Variants in CBLN2 observed in about 807,000 individuals in gnomAD.
The protein encoded by CBLN2 is cerebellin-2.
In CBLN2, 7 loss-of-function variants were observed where a neutral mutation model predicts 15.0. That is an observed-to-expected ratio of 0.47 (90% CI 0.27 to 0.88). CBLN2 has a LOEUF of 0.88. CBLN2 is among the 40% of genes least tolerant of loss of function. CBLN2 has a pLI of 0.14. For missense variants in CBLN2, 242 were observed against 304.5 expected, an observed-to-expected ratio of 0.79 and a Z score of 1.53; for synonymous variants, 149 against 135.2, an observed-to-expected ratio of 1.10 and a Z score of -0.71.
intron 1 of CBLN2, among the ~76,000 whole-genome samples, chr18:72,623,447 CCTT>C (rs1168379876): frequency 6.6e-6 from 1 of 152,100 alleles, no homozygotes; most frequent in Non-Finnish European, 1.5e-5. Flanking sequence ...CTCCAAATGA[CCTT>C]CTCCAGTTTT....
intron 1 of CBLN2, among the ~76,000 whole-genome samples, chr18:72,562,749 T>C (rs1431953186): frequency 6.6e-6 from 1 of 152,246 alleles, no homozygotes; most frequent in Non-Finnish European, 1.5e-5. Context: ...GTCTGCCAAG[T>C]ATAATTTAGG....
chr18:72,637,709 C>G (rs527381528), intron 1 of CBLN2, among the ~76,000 whole-genome samples: 1 of 151,100 alleles, frequency 6.6e-6, no homozygotes, highest in South Asian at 2.1e-4. Context: ...CGACAGGCAC[C>G]ACGATTACCC....
chr18:72,576,892 A>T (rs1173727925), intron 1 of CBLN2, among the ~76,000 whole-genome samples: 1 of 148,752 alleles, frequency 6.7e-6, no homozygotes, highest in African/African-American at 2.4e-5. Context: ...TATATATATA[A>T]AATTAGTGTG....
intron 1 of CBLN2, among the ~76,000 whole-genome samples, chr18:72,611,298 A>C (rs2069620724): frequency 6.6e-6 from 1 of 152,128 alleles, no homozygotes; most frequent in South Asian, 2.1e-4. Context: ...TTTTCTTTTA[A>C]ATTATTTGAG....
chr18:72,539,872 C>G (rs2144861280), intron 3 of CBLN2: 1 of 152,282 alleles, frequency 6.6e-6, no homozygotes, highest in African/African-American at 2.4e-5. Flanking sequence ...ATTTTGTTAC[C>G]TAATGGGAAT....
At chr18:72,538,499 G>C in intron 4 of CBLN2, 126 bp from the exon 5 acceptor site, 1 of 1,415,096 alleles carries the variant, frequency 7.1e-7, no homozygotes, top group Non-Finnish European at 9.8e-7. Context: ...AGGGGAGCCT[G>C]ACAGTGAGCA....
chr18:72,618,520 A>C lies in CBLN2; in HGVS notation c.15+19805T>G, dbSNP rs1599025862. ...CACAAGGTGGATGCAAGAGTTGTGG[A>C]ACCAAAAAGCTGTCTCAAGAAAAGT... On this transcript the variant is annotated intron_variant, in intron 1 of 2. Coordinates refer to the CBLN2 transcript ENST00000581073. The C allele has an allele frequency of 5.8e-6, 4 of 691,446 alleles. No individual in the cohort carries two copies. In the East Asian group the frequency reaches 1.2e-4, roughly 20 times the overall value. 42.8% of individuals were successfully genotyped at this position (691,446 alleles called of 1,614,324 possible). A position where few individuals can be genotyped will look rare whatever the true frequency, so the allele number is the denominator to read the frequency against.
chr18:72,548,238 C>T (rs2069170744), upstream of CBLN2, among the ~76,000 whole-genome samples: 1 of 152,142 alleles, frequency 6.6e-6, no homozygotes, highest in South Asian at 2.1e-4. Flanking sequence ...GTGCTGCAGC[C>T]ACAAACCAGA....
At chr18:72,555,481 C>A (rs623827) in intron 1 of CBLN2, among the ~76,000 whole-genome samples, 142,471 of 152,116 alleles carry the variant, frequency 0.94, 67,278 homozygotes, top group Non-Finnish European at 1. Context: ...AAGCAGAAAA[C>A]GTATGAATAT....
Position 72,537,892 on chromosome 18 carries a change from T to G in CBLN2, c.*284A>C, listed in dbSNP as rs1389978928. The G allele has an allele frequency of 2.2e-6, 1 of 461,124 alleles. No homozygotes were observed. Among genetic ancestry groups the G allele is most frequent in the African/African-American group, 2.0e-5 (1 of 51,070 alleles). 28.6% of individuals were successfully genotyped at this position (461,124 alleles called of 1,614,324 possible). A position where few individuals can be genotyped will look rare whatever the true frequency, so the allele number is the denominator to read the frequency against. On this transcript the variant is annotated 3_prime_UTR_variant, in exon 5 of 5. Coordinates refer to ENST00000269503, the MANE Select transcript of CBLN2 (RefSeq NM_182511.4). ...ATGGTCCCAACAATAAAATCCGATA[T>G]TGACTTTACAATCACAGGTACAAAT...
At chr18:72,575,406 GAGGGAGAACCGCT>G (rs1378178317) in intron 1 of CBLN2, among the ~76,000 whole-genome samples, 1 of 152,172 alleles carries the variant, frequency 6.6e-6, no homozygotes, top group Non-Finnish European at 1.5e-5. Context: ...CCATCAAAAT[GAGGGAGAACCGCT>G]AGGGGATATG....
Position 72,570,637 on chromosome 18 carries a change from T to C in CBLN2, c.16-31865A>G, listed in dbSNP as rs189995816. ...AAAGCACCTCACAGCCTTCTTGTGC[T>C]TGGGAAGACTAGATAGCACATCAAC... On this transcript the variant is annotated intron_variant, in intron 1 of 2. Transcript: ENST00000581073. Among the ~76,000 whole-genome samples, 595 of 152,140 alleles carry C rather than the reference T, an allele frequency of 3.9e-3. 4 individuals carry two copies. Among genetic ancestry groups the C allele is most frequent in the Non-Finnish European group, 5.4e-3 (365 of 68,010 alleles).
chr18:72,537,930 T>A lies in CBLN2; in HGVS notation c.*246A>T. 3.6e-6 allele frequency: 2 copies of A among 552,188 alleles called. No individual in the cohort carries two copies. The highest frequency in any genetic ancestry group is 6.5e-6 in the Non-Finnish European group (2 of 309,390). 34.2% of individuals were successfully genotyped at this position (552,188 alleles called of 1,614,324 possible). A position where few individuals can be genotyped will look rare whatever the true frequency, so the allele number is the denominator to read the frequency against. On this transcript the variant is annotated 3_prime_UTR_variant, in exon 5 of 5. Coordinates refer to ENST00000269503, the MANE Select transcript of CBLN2 (RefSeq NM_182511.4). Reference sequence around the variant, plus strand: ...CACAGGTACAAATTGCTCAAATCGATAATTTCATTTCTCCTTAAGACCTTG... The same window carrying A: ...CACAGGTACAAATTGCTCAAATCGAAAATTTCATTTCTCCTTAAGACCTTG...
At chr18:72,603,882 G>T (rs76512101) in intron 1 of CBLN2, among the ~76,000 whole-genome samples, 1 of 152,146 alleles carries the variant, frequency 6.6e-6, no homozygotes, top group Non-Finnish European at 1.5e-5. Context: ...TCAATGGGAA[G>T]AAAATGGCCT....
chr18:72,618,530 C>T lies in CBLN2; in HGVS notation c.15+19795G>A, dbSNP rs1048473498. On this transcript the variant is annotated intron_variant, in intron 1 of 2. Coordinates refer to the CBLN2 transcript ENST00000581073. ...ATGCAAGAGTTGTGGAACCAAAAAG[C>T]TGTCTCAAGAAAAGTTTCTCAAAGA... The T allele has an allele frequency of 2.8e-4, 198 of 700,744 alleles. No individual in the cohort carries two copies. The African/African-American group carries it at 3.1e-3, about 11-fold the overall frequency. The allele number at this position is 700,744 out of a possible 1,614,324, so 43.4% of individuals were successfully genotyped here.
At chr18:72,558,945 C>T (rs1054140969) in intron 1 of CBLN2, among the ~76,000 whole-genome samples, 27 of 152,126 alleles carry the variant, frequency 1.8e-4, no homozygotes, top group Non-Finnish European at 2.9e-4. Context: ...ATCCCAGCTA[C>T]TCTGGAGTCG....
intron 1 of CBLN2, among the ~76,000 whole-genome samples, chr18:72,558,149 C>T (rs1410052372): frequency 1.3e-5 from 2 of 152,124 alleles, no homozygotes; most frequent in African/African-American, 4.8e-5. Flanking sequence ...CTATGCTGAC[C>T]ATGTGACTTA....
At chr18:72,608,988 A>G (rs576640893) in intron 1 of CBLN2, among the ~76,000 whole-genome samples, 3 of 152,276 alleles carry the variant, frequency 2.0e-5, no homozygotes, top group East Asian at 3.9e-4. Context: ...GGGAGAATCC[A>G]TCTCCACGAT....
intron 1 of CBLN2, among the ~76,000 whole-genome samples, chr18:72,564,036 G>A (rs745463918): frequency 8.5e-5 from 13 of 152,214 alleles, no homozygotes; most frequent in African/African-American, 2.6e-4. Flanking sequence ...ACTGTAAAAC[G>A]TACCTGCAGG....
Sources: allele counts gnomAD v4.1 joint callset (sites outside exome capture counted in the v4.1 genomes callset), GRCh38; gene constraint gnomAD v4.1.1; transcripts MANE v1.5; gene names NCBI Gene and HGNC (gene_info 2026-07-23, HGNC 2026-07-21).